The following WDR93 variants were observed in gnomAD, a reference collection of about 807,000 sequenced individuals.
WDR93 encodes WD repeat-containing protein 93.
Under a neutral mutation model 82.9 loss-of-function variants are expected in WDR93, and 73 were observed. That is an observed-to-expected ratio of 0.88 (90% CI 0.73 to 1.07). The LOEUF is 1.07. Ranked by LOEUF, WDR93 falls within the 50% of genes least tolerant of loss-of-function variation. The pLI is 0.00. For synonymous variants in WDR93, 283 were observed against 300.1 expected, an observed-to-expected ratio of 0.94 and a Z score of 0.59; for missense variants, 738 against 826.0, an observed-to-expected ratio of 0.89 and a Z score of 1.31.
chr15:89,712,396 CTTTTTTTT>C (rs1170109589), intron 5 of WDR93, among the ~76,000 whole-genome samples: 2 of 80,530 alleles, frequency 2.5e-5, no homozygotes, highest in South Asian at 5.1e-4. Context: ...TTCCACTAAT[CTTTTTTTT>C]TTTTTTTTTT....
intron 13 of WDR93, among the ~76,000 whole-genome samples, chr15:89,734,881 C>A (rs1967033063): frequency 6.6e-6 from 1 of 152,144 alleles, no homozygotes; most frequent in African/African-American, 2.4e-5. Flanking sequence ...ATGACTGTAT[C>A]TCTAAACAGT....
intron 9 of WDR93, 52 bp from the exon 10 acceptor site, chr15:89,728,971 C>G (rs1308507528): frequency 2.0e-6 from 3 of 1,513,806 alleles, no homozygotes; most frequent in Non-Finnish European, 2.8e-6. Context: ...GCCAGCAGCT[C>G]TCCTTGCCAG....
At chr15:89,700,395 G>T (rs952197396) in intron 1 of WDR93, among the ~76,000 whole-genome samples, 5 of 152,094 alleles carry the variant, frequency 3.3e-5, no homozygotes, top group African/African-American at 1.2e-4. Context: ...GACAGTGGCA[G>T]CAGGGCTTTT....
intron 4 of WDR93, among the ~76,000 whole-genome samples, chr15:89,710,640 TTTTATG>T (rs1380676086): frequency 6.6e-6 from 1 of 152,186 alleles, no homozygotes; most frequent in Non-Finnish European, 1.5e-5. Flanking sequence ...CCGCAACTCA[TTTTATG>T]AGACCAGCAT....
Position 89,729,693 on chromosome 15 carries a change from T to G in WDR93, c.1134T>G (p.Cys378Trp), listed in dbSNP as rs757671985. ...PEVKGPSGMA[C>W]VLGIHWTRSH... ...CCGCCCCCCCACCAGGAATGGCCTGTGTCCTTGGTATACACTGGACCAGAA... is the reference window on the plus strand; with the variant it reads ...CCGCCCCCCCACCAGGAATGGCCTGGGTCCTTGGTATACACTGGACCAGAA... The change falls in exon 11 of 17, where the codon TGT (cysteine) becomes TGG (tryptophan). Residue 378 changes from cysteine (C) to tryptophan (W), a missense_variant. By Grantham distance (215) the Cys-to-Trp change is radical. Coordinates refer to ENST00000268130, the MANE Select transcript of WDR93 (RefSeq NM_020212.2). 1.2e-6 allele frequency: 2 copies of G among 1,611,130 alleles called. No individual in the cohort carries two copies. The highest frequency in any genetic ancestry group is 1.7e-6 in the Non-Finnish European group (2 of 1,178,730).
chr15:89,704,418 A>G (rs1965633647), intron 3 of WDR93: 1 of 152,246 alleles, frequency 6.6e-6, no homozygotes, highest in Admixed American at 6.5e-5. Flanking sequence ...ACTCTGTACT[A>G]TTTTTGTAAC....
chr15:89,725,241 T>C (rs1039572911), intron 8 of WDR93, among the ~76,000 whole-genome samples: 3 of 152,194 alleles, frequency 2.0e-5, no homozygotes, highest in African/African-American at 7.2e-5. Flanking sequence ...AGTGGGATAC[T>C]ATACAGCAAT....
At chr15:89,715,854 G>A (rs558445316) in intron 6 of WDR93, among the ~76,000 whole-genome samples, 30 of 152,296 alleles carry the variant, frequency 2.0e-4, no homozygotes, top group African/African-American at 7.2e-4. Context: ...AAAGTGCTGG[G>A]ATTACAGGCA....
chr15:89,693,251 G>A (rs2141569795), intron 1 of WDR93, among the ~76,000 whole-genome samples: 1 of 152,256 alleles, frequency 6.6e-6, no homozygotes, highest in Non-Finnish European at 1.5e-5. Flanking sequence ...TGAAACATAT[G>A]GTATGTTTAA....
intron 16 of WDR93, among the ~76,000 whole-genome samples, chr15:89,742,047 G>A (rs1327613106): frequency 1.3e-5 from 2 of 150,818 alleles, no homozygotes; most frequent in Admixed American, 6.6e-5. Flanking sequence ...CATCACACCC[G>A]GCCTCCAATA....
rs199497589 is a variant in WDR93, at chr15:89,700,983, C to T, written c.-40-724C>T. On this transcript the variant is annotated intron_variant, in intron 1 of 16. Coordinates refer to ENST00000268130, the MANE Select transcript of WDR93 (RefSeq NM_020212.2). ...GTATGCATATATATGTGTGTGTACA[C>T]ACACACACACACACACACACACAGA... Among the ~76,000 whole-genome samples the T allele has an allele frequency of 6.2e-4, 62 of 100,418 alleles. No homozygotes were observed. The East Asian group carries it at 0.011, about 18-fold the overall frequency. The allele number at this position is 100,418 out of a possible 152,430, so 65.9% of individuals were successfully genotyped here.
chr15:89,697,334 T>G (rs1261688401), intron 1 of WDR93, among the ~76,000 whole-genome samples: 1 of 152,164 alleles, frequency 6.6e-6, no homozygotes, highest in Non-Finnish European at 1.5e-5. Flanking sequence ...GACCCAGCAA[T>G]CCCATTCCTG....
intron 12 of WDR93, among the ~76,000 whole-genome samples, chr15:89,731,880 T>C (rs1966863070): frequency 6.6e-6 from 1 of 152,198 alleles, no homozygotes; most frequent in African/African-American, 2.4e-5. Flanking sequence ...ACAGTACAAG[T>C]GATCATGGTG....
chr15:89,713,176 A>G (rs76795147), intron 5 of WDR93, among the ~76,000 whole-genome samples: 1 of 152,076 alleles, frequency 6.6e-6, no homozygotes, highest in East Asian at 1.9e-4. Context: ...AAGAGAATCA[A>G]AGAATTTTTG....
chr15:89,703,257 A>G lies in WDR93; in HGVS notation c.496+115A>G. 1.9e-6 allele frequency: 2 copies of G among 1,059,988 alleles called. 1 individual carries two copies. The highest frequency in any genetic ancestry group is 2.8e-5 in the South Asian group (2 of 72,632). The allele number at this position is 1,059,988 out of a possible 1,614,324, so 65.7% of individuals were successfully genotyped here. On this transcript the variant is annotated intron_variant, in intron 3 of 16. Coordinates refer to ENST00000268130, the MANE Select transcript of WDR93 (RefSeq NM_020212.2). ...CAGGCATGGAGACTTCTCCCTGGTC[A>G]TGTAATAGTAACTATATGTACAGAA...
At chr15:89,694,447 G>T (rs1400897182) in intron 1 of WDR93, among the ~76,000 whole-genome samples, 1 of 151,978 alleles carries the variant, frequency 6.6e-6, no homozygotes, top group Non-Finnish European at 1.5e-5. Context: ...ATGTTACCCA[G>T]GATGGTCTCG....
chr15:89,701,877 TG>T lies in WDR93; in HGVS notation c.133del (p.Asp45IlefsTer15), dbSNP rs1203860893. 6.2e-7 allele frequency: 1 copy of T among 1,614,118 alleles called. No homozygotes were observed. The highest frequency in any genetic ancestry group is 1.3e-5 in the African/African-American group (1 of 74,946). On this transcript the variant is annotated frameshift_variant, in exon 2 of 17. Coordinates refer to ENST00000268130, the MANE Select transcript of WDR93 (RefSeq NM_020212.2). LOFTEE classifies it high-confidence loss of function. Reference sequence around the variant, plus strand: ...GACGATGAACAGGATCATGTCCTCGTGGATCCAGATGAGGAGCTGGATTCCT... The same window carrying T: ...GACGATGAACAGGATCATGTCCTCGTGATCCAGATGAGGAGCTGGATTCCT... ...PKDDEQDHVL[V>X]DPDEELDSLP...
rs1966770130 is a variant in WDR93, at chr15:89,727,164, A to G, written c.888A>G (p.Thr296=). 6.2e-7 allele frequency: 1 copy of G among 1,613,532 alleles called. No homozygotes were observed. Among genetic ancestry groups the G allele is most frequent in the East Asian group, 2.2e-5 (1 of 44,884 alleles). Reference sequence around the variant, plus strand: ...GTAATATTTTCAACCTAGGCACCACATTCAAAAGCCCCCTGGAAGTCTTTG... The same window carrying G: ...GTAATATTTTCAACCTAGGCACCACGTTCAAAAGCCCCCTGGAAGTCTTTG... The part of the protein sequence containing the change: ...IKPPKPVTGT[T]FKSPLEVFAK... Residue 296 remains threonine, a synonymous_variant, in exon 9 of 17, where the codon ACA becomes ACG. Transcript: ENST00000268130.
intron 6 of WDR93, among the ~76,000 whole-genome samples, chr15:89,716,416 T>C (rs1966256337): frequency 6.6e-6 from 1 of 152,232 alleles, no homozygotes; most frequent in African/African-American, 2.4e-5. Context: ...TTGTTTGGAC[T>C]AATTTGTTAT....
Sources: gnomAD v4.1 joint callset for allele counts (sites outside exome capture counted in the v4.1 genomes callset) on GRCh38, gnomAD v4.1.1 for gene constraint, MANE v1.5 for transcripts, NCBI Gene and HGNC (gene_info 2026-07-23, HGNC 2026-07-21) for gene names.